PEX5: variants seen among roughly 807,000 people sequenced by gnomAD.
The protein encoded by PEX5 is PTS1 receptor.
PEX5 carries 52 observed loss-of-function variants against 82.9 expected under a neutral mutation model. That is an observed-to-expected ratio of 0.63 (90% CI 0.50 to 0.79). PEX5 has a LOEUF of 0.79. PEX5 is among the 30% of genes least tolerant of loss of function. The pLI is 0.00. For synonymous variants in PEX5, 300 were observed against 318.8 expected, an observed-to-expected ratio of 0.94 and a Z score of 0.63; for missense variants, 719 against 815.2, an observed-to-expected ratio of 0.88 and a Z score of 1.44.
chr12:7,197,974 G>T (rs1306212620), intron 5 of PEX5, among the ~76,000 whole-genome samples: 1 of 150,716 alleles, frequency 6.6e-6, no homozygotes, highest in African/African-American at 2.4e-5. Context: ...AGGGCAGAAG[G>T]AAAGAACACC....
rs759808403 is a variant in PEX5, at chr12:7,210,444, A to G, written c.*221A>G. 33 of 616,576 alleles carry G rather than the reference A, an allele frequency of 5.4e-5. No homozygotes were observed. Among genetic ancestry groups the G allele is most frequent in the Non-Finnish European group, 9.7e-5 (33 of 341,532 alleles). 38.2% of individuals were successfully genotyped at this position (616,576 alleles called of 1,614,324 possible). A position where few individuals can be genotyped will look rare whatever the true frequency, so the allele number is the denominator to read the frequency against. On this transcript the variant is annotated 3_prime_UTR_variant, in exon 16 of 16. Coordinates refer to ENST00000675855, the MANE Select transcript of PEX5 (RefSeq NM_001351132.2). ...CATCTCTGAGTCCCTTGGTAATTCA[A>G]GGGCTGTACATCCAGCTACAGATCT...
chr12:7,201,799 C>T lies in PEX5; in HGVS notation c.600C>T (p.Asp200=). Residue 200 remains aspartate (D), a synonymous_variant, in exon 7 of 16, where the codon GAC becomes GAT. Transcript: ENST00000675855. ...AGGATCTGCAGCACACGGCCAGTGACTTTGTGGCCAAAGTGGATGACCCCA... is the reference window on the plus strand; with the variant it reads ...AGGATCTGCAGCACACGGCCAGTGATTTTGTGGCCAAAGTGGATGACCCCA... The part of the protein sequence containing the change: ...PEEDLQHTAS[D]FVAKVDDPKL... The T allele has an allele frequency of 6.2e-7, 1 of 1,613,984 alleles. No individual in the cohort carries two copies. Among genetic ancestry groups the T allele is most frequent in the Non-Finnish European group, 8.5e-7 (1 of 1,179,870 alleles).
intron 9 of PEX5, 30 bp downstream of exon 9, chr12:7,202,734 C>T (rs1211604837): frequency 6.7e-7 from 1 of 1,494,636 alleles, no homozygotes; most frequent in African/African-American, 1.4e-5. Context: ...GAGCAGACAC[C>T]CCAAAAGAAA....
At chr12:7,204,981 G>T (rs1429828437) in intron 10 of PEX5, among the ~76,000 whole-genome samples, 1 of 152,134 alleles carries the variant, frequency 6.6e-6, no homozygotes, top group African/African-American at 2.4e-5. Flanking sequence ...ATGTGCAAAA[G>T]AGTGAAACTG....
At chr12:7,193,191 T>C (rs1461974866) in intron 5 of PEX5, among the ~76,000 whole-genome samples, 1 of 151,616 alleles carries the variant, frequency 6.6e-6, no homozygotes, top group Non-Finnish European at 1.5e-5. Flanking sequence ...CATTGAATAA[T>C]AGAGATGATA....
rs1941053816 is a variant in PEX5, at chr12:7,191,266, T to C, written c.224T>C (p.Val75Ala). Reference sequence around the variant, plus strand: ...CTGCAGGACCAGAATGCACCCCTTGTGTCCCGTGCCCCTCAGACCTTCAAG... The same window carrying C: ...CTGCAGGACCAGAATGCACCCCTTGCGTCCCGTGCCCCTCAGACCTTCAAG... ...EFLQDQNAPL[V>A]SRAPQTFKMD... The change falls in exon 4 of 16, where the codon GTG (valine) becomes GCG (alanine). Residue 75 changes from valine to alanine, a missense_variant. Coordinates refer to ENST00000675855, the MANE Select transcript of PEX5 (RefSeq NM_001351132.2). 1 of 1,614,176 alleles carries C rather than the reference T, an allele frequency of 6.2e-7. No homozygotes were observed. Among genetic ancestry groups the C allele is most frequent in the Non-Finnish European group, 8.5e-7 (1 of 1,180,008 alleles).
chr12:7,214,265 C>G (rs1236252119), downstream of PEX5, among the ~76,000 whole-genome samples: 2 of 151,442 alleles, frequency 1.3e-5, no homozygotes, highest in African/African-American at 4.8e-5. Flanking sequence ...TATAAAGACG[C>G]ACACGTATGT....
At chr12:7,201,947 T>A in intron 7 of PEX5, 106 bp downstream of exon 7, 2 of 840,330 alleles carry the variant, frequency 2.4e-6, no homozygotes, top group Non-Finnish European at 4.0e-6. Flanking sequence ...GAAGAGATCT[T>A]AGGTCTCTTC....
rs1944399565 is a variant in PEX5 at position 7,203,524 on chromosome 12, T to TA, written c.939_940insA (p.Asp314ArgfsTer8). 1 of 1,613,894 alleles carries TA rather than the reference T, an allele frequency of 6.2e-7. No individual in the cohort carries two copies. On this transcript the variant is annotated frameshift_variant, in exon 10 of 16. Transcript: ENST00000675855. LOFTEE classifies it high-confidence loss of function. Reference sequence around the variant, plus strand: ...CCCACCCCTGGCTTTCTGACTATGATGACCTTACGTCAGCTACCTATGATA... The same window carrying TA: ...CCCACCCCTGGCTTTCTGACTATGATAGACCTTACGTCAGCTACCTATGATA...
In PEX5 at chr12:7,190,904, G is replaced by T. The variant is rs752097814; in HGVS notation, c.164G>T (p.Gly55Val). 3.7e-6 allele frequency: 6 copies of T among 1,613,470 alleles called. No homozygotes were observed. The African/African-American group carries it at 8.0e-5, about 22-fold the overall frequency. Residue 55 changes from glycine to valine, a missense_variant, in exon 3 of 16, where the codon GGA (glycine) becomes GTA (valine). By Grantham distance (109) the Gly-to-Val change is moderately radical. Coordinates refer to ENST00000675855, the MANE Select transcript of PEX5 (RefSeq NM_001351132.2). Reference sequence around the variant, plus strand: ...CTCTCTTAGGCCTCCAAGCCTTTGGGAGTAGCTTCTGAAGATGAGGTAAAT... The same window carrying T: ...CTCTCTTAGGCCTCCAAGCCTTTGGTAGTAGCTTCTGAAGATGAGGTAAAT... ...PASEAASKPL[G>V]VASEDELVAE...
intron 6 of PEX5, among the ~76,000 whole-genome samples, chr12:7,201,312 CAT>C (rs750316407): frequency 0.039 from 3,769 of 96,914 alleles, 53 homozygotes; most frequent in Non-Finnish European, 0.052. Flanking sequence ...TACACATACA[CAT>C]GTATATACAT....
chr12:7,211,750 A>ATTATGAATTACATGGAAGGATTTT (rs1945589714), downstream of PEX5, among the ~76,000 whole-genome samples: 1 of 152,132 alleles, frequency 6.6e-6, no homozygotes, highest in Non-Finnish European at 1.5e-5. Flanking sequence ...GTTGTTTTGT[A>ATTATGAATTACATGGAAGGATTTT]TTATGAATTA....
chr12:7,199,826 GCGGGGGGC>G (rs1943440422), intron 6 of PEX5, among the ~76,000 whole-genome samples: 1 of 136,414 alleles, frequency 7.3e-6, no homozygotes, highest in Non-Finnish European at 1.6e-5. Flanking sequence ...GGCTGGCCGG[GCGGGGGGC>G]TGACCCCCAC....
chr12:7,216,823 GACCCTGAAGTCATTAA>G (rs1212198057), intron 17 of PEX5, among the ~76,000 whole-genome samples: 2 of 152,092 alleles, frequency 1.3e-5, no homozygotes, highest in Non-Finnish European at 2.9e-5. Context: ...ACACAGCAGG[GACCCTGAAGTCATTAA>G]ACCAAAGTAA....
Position 7,210,513 on chromosome 12 carries a change from A to T in PEX5, c.*290A>T. The T allele has an allele frequency of 1.9e-6, 1 of 526,658 alleles. No homozygotes were observed. The highest frequency in any genetic ancestry group is 3.5e-6 in the Non-Finnish European group (1 of 289,604). The allele number at this position is 526,658 out of a possible 1,614,324, so 32.6% of individuals were successfully genotyped here. A position where few individuals can be genotyped will look rare whatever the true frequency, so the allele number is the denominator to read the frequency against. On this transcript the variant is annotated 3_prime_UTR_variant, in exon 16 of 16. Coordinates refer to ENST00000675855, the MANE Select transcript of PEX5 (RefSeq NM_001351132.2). ...TTCTTGGTGCTGCTTTTTGGGTAGG[A>T]CCCCACGATTTAGGGTAACTGTTAT...
intron 6 of PEX5, among the ~76,000 whole-genome samples, chr12:7,199,318 G>C (rs529268984): frequency 6.7e-6 from 1 of 149,856 alleles, no homozygotes; most frequent in Non-Finnish European, 1.5e-5. Context: ...AGTGAACAAA[G>C]GTCTCTGGTT....
At chr12:7,203,330 A>G in intron 9 of PEX5, 102 bp from the exon 10 acceptor site, 2 of 1,330,002 alleles carry the variant, frequency 1.5e-6, no homozygotes, top group Non-Finnish European at 2.1e-6. Context: ...AAACATATTG[A>G]AATTCAAGAA....
downstream of PEX5, among the ~76,000 whole-genome samples, chr12:7,213,909 G>A (rs867976133): frequency 4.9e-4 from 75 of 152,098 alleles, no homozygotes; most frequent in African/African-American, 1.2e-3. Context: ...AAAAGTGGGC[G>A]AAGGACATGA....
At chr12:7,194,088 T>G (rs964680023) in intron 5 of PEX5, among the ~76,000 whole-genome samples, 1 of 152,220 alleles carries the variant, frequency 6.6e-6, no homozygotes, top group Non-Finnish European at 1.5e-5. Flanking sequence ...CTGACTTTTT[T>G]TTATTATCCT....
Sources: allele counts gnomAD v4.1 joint callset (sites outside exome capture counted in the v4.1 genomes callset), GRCh38; gene constraint gnomAD v4.1.1; transcripts MANE v1.5; gene names NCBI Gene and HGNC (gene_info 2026-07-23, HGNC 2026-07-21).